Variants in YIPF5 observed in about 807,000 individuals in gnomAD.
The protein encoded by YIPF5 is Yip1 domain family member 5.
A neutral mutation model predicts 30.4 loss-of-function variants in YIPF5; 8 were observed. That is an observed-to-expected ratio of 0.26 (90% CI 0.15 to 0.47). The LOEUF (loss-of-function observed/expected upper bound fraction) is 0.47, where lower values mean the gene tolerates loss of function less well. YIPF5 is among the 20% of genes least tolerant of loss of function. YIPF5 has a pLI of 0.99. For synonymous variants in YIPF5, 104 were observed against 107.9 expected (o/e 0.96, Z 0.23); for missense variants, 282 against 301.8 (o/e 0.93, Z 0.49).
At position 144,160,372 on chromosome 5, in the gene YIPF5, T is replaced by A. The variant is rs747125507; in HGVS notation, c.*25A>T. 1.9e-6 allele frequency: 3 copies of A among 1,604,244 alleles called. No homozygotes were observed. In the African/African-American group the frequency reaches 4.0e-5, roughly 21 times the overall value. Reference sequence around the variant, plus strand: ...GGTCCTTTTTGTACATCTGGCCCACTGATGTCCACATCCCAGATAAATTTT... The same window carrying A: ...GGTCCTTTTTGTACATCTGGCCCACAGATGTCCACATCCCAGATAAATTTT... On this transcript the variant is annotated 3_prime_UTR_variant, in exon 6 of 6. Transcript: ENST00000274496.
At position 144,169,948 on chromosome 5, in the gene YIPF5, C is replaced by G. The variant is rs764146811; in HGVS notation, c.8G>C (p.Gly3Ala). The change falls in exon 2 of 6, where the codon GGC becomes GCC. Residue 3 changes from glycine to alanine, a missense_variant. Gly to Ala is a moderately conservative substitution (Grantham distance 60, BLOSUM62 0). Coordinates refer to ENST00000274496, the MANE Select transcript of YIPF5 (RefSeq NM_030799.9). Reference sequence around the variant, plus strand: ...GAAATCCGTGTTTAAGTTTTCAAAGCCTGACATTGCAAATAATCTGTAATA... The same window carrying G: ...GAAATCCGTGTTTAAGTTTTCAAAGGCTGACATTGCAAATAATCTGTAATA... MS[G>A]FENLNTDFYQ... is the part of the protein sequence containing the mutation. 1.2e-6 allele frequency: 2 copies of G among 1,613,704 alleles called. No individual in the cohort carries two copies. The highest frequency in any genetic ancestry group is 3.3e-5 in the Admixed American group (2 of 60,006).
chr5:144,163,873 G>A (rs1398376689), intron 4 of YIPF5: 1 of 310,104 alleles, frequency 3.2e-6, no homozygotes, highest in Non-Finnish European at 5.6e-6. Context: ...TTTTTTTTTT[G>A]TTTTTTCCCC....
At chr5:144,166,701 AG>A (rs1380573918) in intron 2 of YIPF5, among the ~76,000 whole-genome samples, 1 of 152,180 alleles carries the variant, frequency 6.6e-6, no homozygotes, top group Non-Finnish European at 1.5e-5. Flanking sequence ...CAGCTTGCAC[AG>A]GTGCTTTTCG....
intron 3 of YIPF5, among the ~76,000 whole-genome samples, chr5:144,165,101 T>C (rs1270139886): frequency 1.3e-5 from 2 of 152,230 alleles, no homozygotes; most frequent in Non-Finnish European, 2.9e-5. Flanking sequence ...TCACTAGTTC[T>C]GCCAGTTTAT....
intron 2 of YIPF5, among the ~76,000 whole-genome samples, chr5:144,169,310 G>A (rs1393878690): frequency 6.6e-6 from 1 of 152,100 alleles, no homozygotes. Context: ...CTTATAACAC[G>A]TGTGGCACTG....
chr5:144,168,997 G>A (rs1752279390), intron 2 of YIPF5, among the ~76,000 whole-genome samples: 1 of 152,134 alleles, frequency 6.6e-6, no homozygotes, highest in South Asian at 2.1e-4. Flanking sequence ...ATTTATTTGG[G>A]TGTTTGAGTG....
intron 5 of YIPF5, among the ~76,000 whole-genome samples, chr5:144,161,318 G>A (rs1234247230): frequency 1.5e-5 from 2 of 131,876 alleles, no homozygotes; most frequent in Admixed American, 1.6e-4. Context: ...TGGCGGTAAT[G>A]TATACCTTTC....
Position 144,162,140 on chromosome 5 carries a change from T to C in YIPF5, c.611+78A>G, listed in dbSNP as rs528574210. On this transcript the variant is annotated intron_variant, in intron 5 of 5. Transcript: ENST00000274496. Reference sequence around the variant, plus strand: ...TGATATGTTTGCTGAATCGGTGATTTATCTCAAACTGAAGATGAGGTGAAT... The same window carrying C: ...TGATATGTTTGCTGAATCGGTGATTCATCTCAAACTGAAGATGAGGTGAAT... The C allele has an allele frequency of 8.6e-5, 126 of 1,463,354 alleles. No individual in the cohort carries two copies. In the African/African-American group the frequency reaches 1.0e-3, roughly 12 times the overall value. The allele number at this position is 1,463,354 out of a possible 1,614,324, so 90.6% of individuals were successfully genotyped here.
intron 2 of YIPF5, among the ~76,000 whole-genome samples, chr5:144,169,359 T>G (rs760007886): frequency 1.3e-5 from 2 of 152,230 alleles, no homozygotes; most frequent in Non-Finnish European, 2.9e-5. Flanking sequence ...TAAAAATGAT[T>G]ATCAACTGCT....
At chr5:144,167,513 C>T (rs1181943796) in intron 2 of YIPF5, among the ~76,000 whole-genome samples, 1 of 152,048 alleles carries the variant, frequency 6.6e-6, no homozygotes, top group Non-Finnish European at 1.5e-5. Flanking sequence ...AAAAAAATAA[C>T]AGCTTTCATA....
chr5:144,159,217 A>ATT lies in YIPF5; in HGVS notation c.*1179_*1180insAA. 1.0e-6 allele frequency: 1 copy of ATT among 983,336 alleles called. No individual in the cohort carries two copies. Among genetic ancestry groups the ATT allele is most frequent in the Non-Finnish European group, 1.2e-6 (1 of 828,036 alleles). 60.9% of individuals were successfully genotyped at this position (983,336 alleles called of 1,614,324 possible). On this transcript the variant is annotated 3_prime_UTR_variant, in exon 6 of 6. Transcript: ENST00000274496. ...GGGTCAAAATCAGAGCCTAGTTAAA[A>ATT]AAGAGACAAAGAGAACAGTAGTTTA... is the stretch of plus-strand genomic sequence containing the variant.
At chr5:144,166,384 T>C (rs1282490305) in intron 2 of YIPF5, among the ~76,000 whole-genome samples, 2 of 152,178 alleles carry the variant, frequency 1.3e-5, no homozygotes, top group African/African-American at 2.4e-5. Flanking sequence ...TCTTTACGCA[T>C]CTGTTCCATC....
At chr5:144,165,308 G>C in intron 3 of YIPF5, 124 bp downstream of exon 3, 2 of 1,297,338 alleles carry the variant, frequency 1.5e-6, no homozygotes, top group Middle Eastern at 2.7e-4. Flanking sequence ...GAGTTGTTTA[G>C]CAGAAAACTT....
intron 2 of YIPF5, among the ~76,000 whole-genome samples, chr5:144,166,838 G>C (rs533822508): frequency 6.6e-6 from 1 of 152,082 alleles, no homozygotes; most frequent in Non-Finnish European, 1.5e-5. Context: ...TTCCTCAAGA[G>C]AATCCTTAAA....
chr5:144,168,764 A>G (rs1165083913), intron 2 of YIPF5, among the ~76,000 whole-genome samples: 3 of 152,202 alleles, frequency 2.0e-5, no homozygotes, highest in African/African-American at 7.2e-5. Flanking sequence ...CCTAACCAAG[A>G]CAGACACTAT....
rs1197875033 is a variant in YIPF5, at chr5:144,159,749, G to C, written c.*648C>G. ...AGACAGAGTCTCACCCTGTCACCCA[G>C]GCTGGATGGAGTGCAGTGGTGTGAT... On this transcript the variant is annotated 3_prime_UTR_variant, in exon 6 of 6. Transcript: ENST00000274496. 1 of 910,202 alleles carries C rather than the reference G, an allele frequency of 1.1e-6. No homozygotes were observed. The highest frequency in any genetic ancestry group is 1.3e-6 in the Non-Finnish European group (1 of 767,378). 56.4% of individuals were successfully genotyped at this position (910,202 alleles called of 1,614,324 possible).
At chr5:144,166,105 C>T (rs1008543446) in intron 2 of YIPF5, among the ~76,000 whole-genome samples, 2 of 152,128 alleles carry the variant, frequency 1.3e-5, no homozygotes, top group Non-Finnish European at 2.9e-5. Flanking sequence ...TTTTGGCAAG[C>T]GGACAAATCT....
At chr5:144,166,812 A>T (rs61243878) in intron 2 of YIPF5, among the ~76,000 whole-genome samples, 140 of 152,294 alleles carry the variant, frequency 9.2e-4, no homozygotes, top group Middle Eastern at 3.4e-3. Flanking sequence ...TTTAATAAAA[A>T]GATAATTCTT....
At chr5:144,166,297 C>A (rs917741877) in intron 2 of YIPF5, among the ~76,000 whole-genome samples, 1 of 152,098 alleles carries the variant, frequency 6.6e-6, no homozygotes, top group African/African-American at 2.4e-5. Context: ...CTATAGCAAA[C>A]CCTGCATCTA....
Sources: gnomAD v4.1 joint callset for allele counts (sites outside exome capture counted in the v4.1 genomes callset) on GRCh38, gnomAD v4.1.1 for gene constraint, MANE v1.5 for transcripts, NCBI Gene and HGNC (gene_info 2026-07-23, HGNC 2026-07-21) for gene names.